WDPCP: variants seen among roughly 807,000 people sequenced by gnomAD.
WDPCP encodes the protein WD repeat containing planar cell polarity effector.
WDPCP carries 71 observed loss-of-function variants against 93.1 expected under a neutral mutation model. That is an observed-to-expected ratio of 0.76 (90% CI 0.63 to 0.93). The LOEUF (loss-of-function observed/expected upper bound fraction) is 0.93. WDPCP is among the 40% of genes least tolerant of loss of function. The pLI, the probability that WDPCP is intolerant of heterozygous loss-of-function variation, is 0.00. For synonymous variants in WDPCP, 315 were observed against 315.0 expected (o/e 1.00, Z 0.00); for missense variants, 844 against 887.4 (o/e 0.95, Z 0.62).
chr2:63,164,918 TA>T (rs1388878324), intron 15 of WDPCP, among the ~76,000 whole-genome samples: 11 of 152,018 alleles, frequency 7.2e-5, no homozygotes, highest in African/African-American at 2.4e-4. Flanking sequence ...ATTACAAGGG[TA>T]TTAAAATACC....
intron 1 of WDPCP, among the ~76,000 whole-genome samples, chr2:63,587,822 G>A (rs1708972418): frequency 6.6e-6 from 1 of 152,212 alleles, no homozygotes; most frequent in Admixed American, 6.5e-5. Flanking sequence ...ACTCAAGATG[G>A]TTTAAGGCGC....
chr2:63,664,136 A>G (rs1031417104), intron 2 of WDPCP, among the ~76,000 whole-genome samples: 2 of 152,232 alleles, frequency 1.3e-5, no homozygotes, highest in Non-Finnish European at 1.5e-5. Flanking sequence ...TGGGAAGTAG[A>G]AGCTGACAAT....
At chr2:63,364,263 A>G (rs1344541427) in intron 12 of WDPCP, among the ~76,000 whole-genome samples, 1 of 152,114 alleles carries the variant, frequency 6.6e-6, no homozygotes, top group African/African-American at 2.4e-5. Flanking sequence ...CATGATTGAG[A>G]ATATTTGCCT....
At chr2:63,431,526 T>C (rs1000849338) in intron 9 of WDPCP, among the ~76,000 whole-genome samples, 2 of 151,210 alleles carry the variant, frequency 1.3e-5, no homozygotes, top group Non-Finnish European at 2.9e-5. Context: ...TTCTGATGAT[T>C]AGTCCAAGAA....
At chr2:63,195,404 A>T (rs1479102409) in intron 14 of WDPCP, among the ~76,000 whole-genome samples, 3 of 152,170 alleles carry the variant, frequency 2.0e-5, no homozygotes, top group Non-Finnish European at 2.9e-5. Flanking sequence ...CTTACATATT[A>T]TTGGTAAATC....
At chr2:63,214,454 G>A (rs1574894560) in intron 14 of WDPCP, among the ~76,000 whole-genome samples, 1 of 152,094 alleles carries the variant, frequency 6.6e-6, no homozygotes, top group East Asian at 1.9e-4. Flanking sequence ...AATAAACTAG[G>A]TATTCATGGG....
intron 3 of WDPCP, among the ~76,000 whole-genome samples, chr2:63,641,761 A>C (rs1259402877): frequency 6.6e-6 from 1 of 151,914 alleles, no homozygotes; most frequent in African/African-American, 2.4e-5. Context: ...CACTTTATTG[A>C]TTGTTTCCAT....
chr2:63,313,468 T>G (rs1048684478), intron 12 of WDPCP, among the ~76,000 whole-genome samples, 157 bp from the exon 13 acceptor site: 1 of 152,188 alleles, frequency 6.6e-6, no homozygotes, highest in African/African-American at 2.4e-5. Flanking sequence ...ATCTTCCATA[T>G]GTGCAAAGTT....
intron 6 of WDPCP, among the ~76,000 whole-genome samples, chr2:63,470,462 A>G (rs1699627322): frequency 6.6e-6 from 1 of 152,076 alleles, no homozygotes; most frequent in Non-Finnish European, 1.5e-5. Context: ...AATTTCCTCT[A>G]TACCCCACAT....
At position 63,588,408 on chromosome 2, in the gene WDPCP, C is replaced by G. The variant is rs1709032794; in HGVS notation, c.-137G>C. 7 of 1,023,378 alleles carry G rather than the reference C, an allele frequency of 6.8e-6. No individual in the cohort carries two copies. The highest frequency in any genetic ancestry group is 9.0e-6 in the Non-Finnish European group (6 of 666,214). The allele number at this position is 1,023,378 out of a possible 1,614,324, so 63.4% of individuals were successfully genotyped here. ...AGTTTCCTCAGGTGCTACAAAGCAG[C>G]CAGGGTGTGCGTGCGCTCCCGCCTC... On this transcript the variant is annotated 5_prime_UTR_variant, in exon 1 of 18. Coordinates refer to ENST00000272321, the MANE Select transcript of WDPCP (RefSeq NM_015910.7).
intron 2 of WDPCP, among the ~76,000 whole-genome samples, chr2:63,668,751 C>A (rs1349277071): frequency 6.6e-6 from 1 of 152,154 alleles, no homozygotes; most frequent in Non-Finnish European, 1.5e-5. Context: ...TTCTACACAA[C>A]TTTCTCCCTC....
At chr2:63,203,828 TC>T (rs1241943966) in intron 14 of WDPCP, among the ~76,000 whole-genome samples, 4 of 152,260 alleles carry the variant, frequency 2.6e-5, no homozygotes, top group African/African-American at 9.6e-5. Flanking sequence ...AGTTTGTCTC[TC>T]TGTGCCTGGC....
chr2:63,489,223 T>C (rs994028600), intron 2 of WDPCP, among the ~76,000 whole-genome samples: 2 of 151,704 alleles, frequency 1.3e-5, no homozygotes, highest in Non-Finnish European at 2.9e-5. Flanking sequence ...AAATAAAAAA[T>C]AGGGGAGCTC....
intron 2 of WDPCP, among the ~76,000 whole-genome samples, chr2:63,673,657 A>G (rs1710372108): frequency 6.6e-6 from 1 of 152,204 alleles, no homozygotes; most frequent in African/African-American, 2.4e-5. Context: ...CCATAACAGC[A>G]TATCAAAAAC....
At chr2:63,747,634 T>A (rs146489931) in intron 2 of WDPCP, among the ~76,000 whole-genome samples, 92 of 152,164 alleles carry the variant, frequency 6.0e-4, no homozygotes, top group Non-Finnish European at 1.1e-3. Flanking sequence ...GTTCCATAGA[T>A]CTATTTGTCT....
At chr2:63,386,354 C>T (rs1417518166) in intron 10 of WDPCP, among the ~76,000 whole-genome samples, 2 of 151,954 alleles carry the variant, frequency 1.3e-5, no homozygotes, top group Non-Finnish European at 2.9e-5. Flanking sequence ...AAATCTCTTA[C>T]AACTCAAGAA....
intron 2 of WDPCP, among the ~76,000 whole-genome samples, chr2:63,806,430 G>A (rs1033051000): frequency 2.6e-5 from 4 of 152,190 alleles, no homozygotes; most frequent in Admixed American, 6.5e-5. Flanking sequence ...AAGGCAAGTG[G>A]AGGCAGGGCG....
At chr2:63,186,195 C>A (rs1311797747) in intron 14 of WDPCP, among the ~76,000 whole-genome samples, 1 of 152,222 alleles carries the variant, frequency 6.6e-6, no homozygotes, top group Non-Finnish European at 1.5e-5. Flanking sequence ...CTTTAGATCA[C>A]AGTGCCATCC....
intron 2 of WDPCP, among the ~76,000 whole-genome samples, chr2:63,794,749 G>C (rs1225554431): frequency 6.6e-6 from 1 of 152,184 alleles, no homozygotes. Flanking sequence ...GTTACTTGCA[G>C]CTGAAAGCAT....
Sources: gnomAD v4.1 joint callset for allele counts (sites outside exome capture counted in the v4.1 genomes callset) on GRCh38, gnomAD v4.1.1 for gene constraint, MANE v1.5 for transcripts, NCBI Gene and HGNC (gene_info 2026-07-23, HGNC 2026-07-21) for gene names.